Variants in SH3PXD2A observed in about 807,000 individuals in gnomAD.
The protein encoded by SH3PXD2A is SH3 and PX domain-containing protein 2A.
A neutral mutation model predicts 115.2 loss-of-function variants in SH3PXD2A; 32 were observed. That is an observed-to-expected ratio of 0.28 (90% CI 0.21 to 0.37). The LOEUF (loss-of-function observed/expected upper bound fraction) is 0.37, where lower values mean the gene tolerates loss of function less well. SH3PXD2A is among the 10% of genes least tolerant of loss of function. The pLI is 1.00. For missense variants in SH3PXD2A, 1,328 were observed against 1,498.7 expected (o/e 0.89, Z 1.88); for synonymous variants, 610 against 629.1 (o/e 0.97, Z 0.45).
In SH3PXD2A at chr10:103,819,128, C is replaced by T. The variant is rs923752584; in HGVS notation, c.73-17766G>A. Among the ~76,000 whole-genome samples the T allele has an allele frequency of 5.9e-5, 9 of 152,206 alleles. 1 individual carries two copies. The highest frequency in any genetic ancestry group is 3.9e-4 in the Admixed American group (6 of 15,286). The stretch of plus-strand genomic sequence containing the variant: ...GTCAAGAAGGATTGGGCGCTTATTA[C>T]GTGCTGGGCTCTGTGCTAGACACTG... On this transcript the variant is annotated intron_variant, in intron 1 of 14. Coordinates refer to ENST00000369774, the MANE Select transcript of SH3PXD2A (RefSeq NM_001394015.1).
intron 8 of SH3PXD2A, among the ~76,000 whole-genome samples, chr10:103,655,378 G>T (rs759369674): frequency 6.6e-6 from 1 of 152,178 alleles, no homozygotes; most frequent in Non-Finnish European, 1.5e-5. Flanking sequence ...TCTTTTCTAG[G>T]AGCAGGCGAA....
chr10:103,809,581 G>C (rs1258660929), intron 1 of SH3PXD2A, among the ~76,000 whole-genome samples: 1 of 152,166 alleles, frequency 6.6e-6, no homozygotes, highest in South Asian at 2.1e-4. Context: ...CATCCTTCAA[G>C]AGTGTGTAGC....
chr10:103,765,913 G>GTCCATTCCCTAC (rs2038749031), intron 3 of SH3PXD2A, among the ~76,000 whole-genome samples: 2 of 152,176 alleles, frequency 1.3e-5, no homozygotes, highest in Non-Finnish European at 2.9e-5. Context: ...GGAGGCCAGG[G>GTCCATTCCCTAC]GCCGAGAGTC....
At chr10:103,707,278 C>A (rs2037993268) in intron 5 of SH3PXD2A, among the ~76,000 whole-genome samples, 1 of 151,778 alleles carries the variant, frequency 6.6e-6, no homozygotes, top group Non-Finnish European at 1.5e-5. Flanking sequence ...CTCACTGCAA[C>A]CTCCGCCTCC....
chr10:103,693,102 G>A, intron 5 of SH3PXD2A, 46 bp from the exon 6 acceptor site: 1 of 1,590,332 alleles, frequency 6.3e-7, no homozygotes, highest in Non-Finnish European at 8.6e-7. Context: ...GGCCGGGCGC[G>A]AGCGCGGGGC....
At chr10:103,842,858 A>G (rs35116775) in intron 1 of SH3PXD2A, among the ~76,000 whole-genome samples, 2 of 152,242 alleles carry the variant, frequency 1.3e-5, no homozygotes, top group Admixed American at 1.3e-4. Flanking sequence ...ACTGAATGAA[A>G]CAATGAATGA....
At chr10:103,687,330 C>A (rs1479627021) in intron 6 of SH3PXD2A, among the ~76,000 whole-genome samples, 1 of 152,188 alleles carries the variant, frequency 6.6e-6, no homozygotes, top group African/African-American at 2.4e-5. Flanking sequence ...ATATACCTCC[C>A]ACTCGTTCTG....
intron 8 of SH3PXD2A, among the ~76,000 whole-genome samples, chr10:103,651,924 T>A (rs897697242): frequency 1.1e-4 from 17 of 152,182 alleles, no homozygotes; most frequent in African/African-American, 3.1e-4. Flanking sequence ...CCTGTGGCAC[T>A]GCCAACGGGC....
chr10:103,818,987 GT>G (rs1448381128), intron 1 of SH3PXD2A, among the ~76,000 whole-genome samples: 1 of 152,206 alleles, frequency 6.6e-6, no homozygotes, highest in Non-Finnish European at 1.5e-5. Context: ...GGATTACAAA[GT>G]CCTTGAAAGC....
intron 3 of SH3PXD2A, chr10:103,736,779 A>G (rs1396064588): frequency 7.8e-7 from 1 of 1,289,314 alleles, no homozygotes; most frequent in Non-Finnish European, 1.0e-6. Context: ...TGAAGTGCTC[A>G]CCTGTAGCTG....
intron 7 of SH3PXD2A, 103 bp from the exon 8 acceptor site, chr10:103,661,217 C>A: frequency 7.2e-7 from 1 of 1,381,768 alleles, no homozygotes; most frequent in Non-Finnish European, 9.7e-7. Context: ...TGCTCTGTCG[C>A]CAGCGCCGCT....
intron 1 of SH3PXD2A, among the ~76,000 whole-genome samples, chr10:103,848,737 A>G (rs1442976712): frequency 6.6e-6 from 1 of 152,080 alleles, no homozygotes; most frequent in Admixed American, 6.6e-5. Flanking sequence ...TCCATCATGA[A>G]GCTGCCTTCT....
intron 1 of SH3PXD2A, among the ~76,000 whole-genome samples, chr10:103,811,310 T>C (rs2039268505): frequency 6.6e-6 from 1 of 152,170 alleles, no homozygotes; most frequent in Non-Finnish European, 1.5e-5. Flanking sequence ...CGCCAAACCT[T>C]CTTACACGCA....
At chr10:103,622,227 C>A (rs2036617349) in intron 10 of SH3PXD2A, among the ~76,000 whole-genome samples, 1 of 152,130 alleles carries the variant, frequency 6.6e-6, no homozygotes, top group Admixed American at 6.5e-5. Flanking sequence ...AGGGAACCCA[C>A]AACTGTGTTC....
intron 11 of SH3PXD2A, among the ~76,000 whole-genome samples, chr10:103,613,393 C>A (rs534003763): frequency 5.3e-5 from 8 of 152,224 alleles, no homozygotes; most frequent in Admixed American, 1.3e-4. Context: ...ACTGCCCCCC[C>A]ACCATGCTCC....
intron 14 of SH3PXD2A, among the ~76,000 whole-genome samples, chr10:103,605,157 A>C (rs2036281554): frequency 6.6e-6 from 1 of 152,176 alleles, no homozygotes; most frequent in South Asian, 2.1e-4. Flanking sequence ...CCTGTTTTGC[A>C]GAGAGAAATG....
intron 3 of SH3PXD2A, among the ~76,000 whole-genome samples, chr10:103,764,027 A>G (rs578033323): frequency 9.2e-5 from 14 of 152,226 alleles, no homozygotes; most frequent in Admixed American, 7.9e-4. Context: ...AGCCACTAGC[A>G]GGCGAATCCT....
At chr10:103,701,009 C>T (rs1341906377) in intron 5 of SH3PXD2A, among the ~76,000 whole-genome samples, 2 of 116,484 alleles carry the variant, frequency 1.7e-5, no homozygotes, top group Non-Finnish European at 1.8e-5. Context: ...ATCTATCCAT[C>T]TATCCATCCA....
At chr10:103,810,952 G>GCACACACACACACA (rs71476608) in intron 1 of SH3PXD2A, among the ~76,000 whole-genome samples, 1 of 19,958 alleles carries the variant, frequency 5.0e-5, no homozygotes, top group Non-Finnish European at 2.6e-4. Context: ...GCGCGCGCGC[G>GCACACACACACACA]CACACACACA....
Sources: allele counts gnomAD v4.1 joint callset (sites outside exome capture counted in the v4.1 genomes callset), GRCh38; gene constraint gnomAD v4.1.1; transcripts MANE v1.5; gene names NCBI Gene and HGNC (gene_info 2026-07-23, HGNC 2026-07-21).